CCDC187: variants seen among roughly 807,000 people sequenced by gnomAD.
CCDC187 encodes the protein coiled-coil domain-containing protein 187.
CCDC187 carries 32 observed loss-of-function variants against 38.0 expected under a neutral mutation model. The observed-to-expected ratio is 0.84, with a 90% CI of 0.64 to 1.13. The LOEUF is 1.13. CCDC187 is among the 50% of genes most tolerant of loss of function. CCDC187 has a pLI of 0.00. For missense variants in CCDC187, 707 were observed against 786.8 expected (o/e 0.90, Z 1.21); for synonymous variants, 333 against 347.9 (o/e 0.96, Z 0.48).
At chr9:136,305,058 C>T (rs905893878), upstream of CCDC187, among the ~76,000 whole-genome samples, 80 of 152,322 alleles carry the variant, frequency 5.3e-4, no homozygotes, top group Non-Finnish European at 1.0e-3. Flanking sequence ...CCCTGGCTGC[C>T]GGCAGGCACA....
At position 136,300,245 on chromosome 9, in the gene CCDC187, G is replaced by A. The variant is rs1268715860; in HGVS notation, c.699C>T (p.Ser233=). ...CAGGAACCTGGTGCTGGGAGACCCTGGAGAGCTCGCGCCCCTGGCCGTGGG... is the reference window on the plus strand; with the variant it reads ...CAGGAACCTGGTGCTGGGAGACCCTAGAGAGCTCGCGCCCCTGGCCGTGGG... ...KASHGQGREL[S]RVSQHQVPVL... is the part of the protein sequence containing the mutation. Residue 233 remains serine (S), a synonymous_variant, in exon 3 of 26, where the codon TCC becomes TCT. Coordinates refer to ENST00000638797, the MANE Select transcript of CCDC187 (RefSeq NM_001378188.1). The A allele has an allele frequency of 1.3e-5, 5 of 398,592 alleles. No individual in the cohort carries two copies. Among genetic ancestry groups the A allele is most frequent in the Non-Finnish European group, 2.2e-5 (5 of 226,114 alleles). 24.7% of individuals were successfully genotyped at this position (398,592 alleles called of 1,614,324 possible).
intron 12 of CCDC187, among the ~76,000 whole-genome samples, 182 bp downstream of exon 12, chr9:136,276,012 A>T (rs1259550951): frequency 6.6e-6 from 1 of 152,100 alleles, no homozygotes; most frequent in Non-Finnish European, 1.5e-5. Context: ...ATGTGGCTGA[A>T]ACCTCCTGTT....
chr9:136,290,566 C>T lies in CCDC187; in HGVS notation c.2047G>A (p.Val683Ile), dbSNP rs1006127933. 6.5e-5 allele frequency: 26 copies of T among 398,920 alleles called. No homozygotes were observed. The highest frequency in any genetic ancestry group is 4.4e-5 in the Admixed American group (1 of 22,734). The allele number at this position is 398,920 out of a possible 1,614,324, so 24.7% of individuals were successfully genotyped here. A position where few individuals can be genotyped will look rare whatever the true frequency, so the allele number is the denominator to read the frequency against. The change falls in exon 6 of 26, where the codon GTC becomes ATC. Residue 683 changes from valine (V) to isoleucine (I), a missense_variant. Physicochemically the swap from Val to Ile is conservative, Grantham distance 29 (BLOSUM62 3). Transcript: ENST00000638797. Reference sequence around the variant, plus strand: ...ACCACGGGGACCGCCCTGCCGAGGACGGCCTCCCTCTGCTGCCGGTAGACC... The same window carrying T: ...ACCACGGGGACCGCCCTGCCGAGGATGGCCTCCCTCTGCTGCCGGTAGACC... The part of the protein sequence containing the change: ...QEVYRQQREA[V>I]LGRAVPVVSR...
rs930087312 is a variant in CCDC187 at position 136,280,113 on chromosome 9, C to G, written c.3040+1438G>C. 1.2e-3 allele frequency among the ~76,000 whole-genome samples: 185 copies of G among 152,368 alleles called. 1 individual carries two copies. In the Middle Eastern group the frequency reaches 0.017, roughly 14 times the overall value. ...AACCAAGGCCAGAGGCCCACGGGGG[C>G]CTTCCTGGCTCTGAACTGCCGCCCC... is the stretch of plus-strand genomic sequence containing the variant. On this transcript the variant is annotated intron_variant, in intron 10 of 25. Coordinates refer to ENST00000638797, the MANE Select transcript of CCDC187 (RefSeq NM_001378188.1).
chr9:136,282,774 G>A (rs970364785), intron 9 of CCDC187, among the ~76,000 whole-genome samples: 2 of 152,194 alleles, frequency 1.3e-5, no homozygotes, highest in Admixed American at 6.5e-5. Context: ...ACCCCCGCCC[G>A]CATTCCTGGT....
rs1404558494 is a variant in CCDC187, at chr9:136,292,292, G to C, written c.836C>G (p.Ser279Trp). The C allele has an allele frequency of 5.0e-6, 2 of 398,606 alleles. No homozygotes were observed. Among genetic ancestry groups the C allele is most frequent in the Non-Finnish European group, 8.8e-6 (2 of 226,128 alleles). The allele number at this position is 398,606 out of a possible 1,614,324, so 24.7% of individuals were successfully genotyped here. Reference sequence around the variant, plus strand: ...CCAGGCGTAAACACCAACCAGCTCCGAATCTTAAACAGAGAAAACATACAC... The same window carrying C: ...CCAGGCGTAAACACCAACCAGCTCCCAATCTTAAACAGAGAAAACATACAC... ...AAKDKHKDEDSELVGVYAWRK... is the reference protein window; with the variant it reads ...AAKDKHKDEDWELVGVYAWRK... Residue 279 changes from serine (S) to tryptophan (W), a missense_variant, in exon 5 of 26, where the codon TCG becomes TGG. Coordinates refer to ENST00000638797, the MANE Select transcript of CCDC187 (RefSeq NM_001378188.1).
At chr9:136,277,332 T>G (rs1321147770) in intron 10 of CCDC187, among the ~76,000 whole-genome samples, 23 of 7,356 alleles carry the variant, frequency 3.1e-3, no homozygotes, top group South Asian at 0.023. Context: ...TGGGTGCTGA[T>G]GGGGTGGGTG....
intron 10 of CCDC187, chr9:136,281,331 C>G: frequency 2.5e-6 from 1 of 398,168 alleles, no homozygotes. Context: ...TCTCATCCAC[C>G]GAGGGCCCAT....
chr9:136,268,164 T>C, intron 14 of CCDC187, 39 bp from the exon 15 acceptor site: 1 of 982,286 alleles, frequency 1.0e-6, no homozygotes. Flanking sequence ...ATGTAGGGGG[T>C]CTGAGTGCCC....
rs1366572857 is a variant in CCDC187 at position 136,250,790 on chromosome 9, T to C, written c.*2804A>G. ...TGGGGACCCTGACACAGGCCGGCCA[T>C]TGTTAACGGCACCTGGGGCTAAGCA... On this transcript the variant is annotated 3_prime_UTR_variant, in exon 26 of 26. Transcript: ENST00000638797. The C allele has an allele frequency of 1.3e-5, 6 of 456,122 alleles. No individual in the cohort carries two copies. Among genetic ancestry groups the C allele is most frequent in the African/African-American group, 1.2e-4 (6 of 50,072 alleles). 28.3% of individuals were successfully genotyped at this position (456,122 alleles called of 1,614,324 possible). A position where few individuals can be genotyped will look rare whatever the true frequency, so the allele number is the denominator to read the frequency against.
intron 18 of CCDC187, among the ~76,000 whole-genome samples, chr9:136,262,849 G>A (rs982598773): frequency 6.6e-6 from 1 of 152,132 alleles, no homozygotes. Context: ...TTACAGAGGA[G>A]ACGCGCAGGT....
intron 2 of CCDC187, among the ~76,000 whole-genome samples, chr9:136,302,418 C>T (rs1033677979): frequency 2.2e-4 from 33 of 150,316 alleles, no homozygotes; most frequent in African/African-American, 6.9e-4. Context: ...AGGGAAGCTG[C>T]CAGACTTTCC....
rs1554759948 is a variant in CCDC187 at position 136,254,068 on chromosome 9, C to T, written c.5760G>A (p.Pro1920=). ...GYQEGTRDAD[P]SPSTKSKLPY... ...GGAGTTTGCTCTTGGTGGATGGGCTCGGGTCAGCATCCCGGGTTCCCTCCT... is the reference window on the plus strand; with the variant it reads ...GGAGTTTGCTCTTGGTGGATGGGCTTGGGTCAGCATCCCGGGTTCCCTCCT... The change falls in exon 26 of 26, where the codon CCG becomes CCA. Residue 1920 remains proline, a synonymous_variant. Coordinates refer to ENST00000638797, the MANE Select transcript of CCDC187 (RefSeq NM_001378188.1). The T allele has an allele frequency of 4.1e-6, 4 of 984,776 alleles. No individual in the cohort carries two copies. The highest frequency in any genetic ancestry group is 5.2e-4 in the Middle Eastern group (1 of 1,938). 61.0% of individuals were successfully genotyped at this position (984,776 alleles called of 1,614,324 possible).
In CCDC187 at chr9:136,291,052, G is replaced by T; in HGVS notation, c.1561C>A (p.Pro521Thr). The T allele has an allele frequency of 2.5e-6, 1 of 398,784 alleles. No individual in the cohort carries two copies. The highest frequency in any genetic ancestry group is 4.4e-6 in the Non-Finnish European group (1 of 226,218). 24.7% of individuals were successfully genotyped at this position (398,784 alleles called of 1,614,324 possible). The change falls in exon 6 of 26, where the codon CCT becomes ACT. Residue 521 changes from proline to threonine, a missense_variant. Physicochemically the swap from Pro to Thr is conservative, Grantham distance 38. Coordinates refer to ENST00000638797, the MANE Select transcript of CCDC187 (RefSeq NM_001378188.1). ...GPSSQRPGSP[P>T]EKRSPFPQQP... Reference sequence around the variant, plus strand: ...TGGGGGAAGGGGCTCCGCTTTTCAGGGGGGCTCCCAGGCCTCTGGGAGGAG... The same window carrying T: ...TGGGGGAAGGGGCTCCGCTTTTCAGTGGGGCTCCCAGGCCTCTGGGAGGAG...
chr9:136,287,588 C>G (rs1336246396), intron 7 of CCDC187, among the ~76,000 whole-genome samples: 1 of 152,206 alleles, frequency 6.6e-6, no homozygotes, highest in East Asian at 1.9e-4. Flanking sequence ...ACTGAGCCCC[C>G]ACCTCCTCGG....
rs936267759 is a variant in CCDC187 at position 136,290,480 on chromosome 9, A to G, written c.2127+6T>C. On this transcript the variant is annotated splice_donor_region_variant and intron_variant, in intron 6 of 25. Transcript: ENST00000638797. Reference sequence around the variant, plus strand: ...CGAGTCCCCCCAACCCAACCCCAGCATGTACCCCGGACTGTGCAGAACTGG... The same window carrying G: ...CGAGTCCCCCCAACCCAACCCCAGCGTGTACCCCGGACTGTGCAGAACTGG... 5.8e-5 allele frequency: 23 copies of G among 397,770 alleles called. No homozygotes were observed. The highest frequency in any genetic ancestry group is 4.4e-4 in the Admixed American group (10 of 22,706). 24.6% of individuals were successfully genotyped at this position (397,770 alleles called of 1,614,324 possible).
At position 136,286,703 on chromosome 9, in the gene CCDC187, AAG is replaced by A. The variant is rs1488044524; in HGVS notation, c.2223-10_2223-9del. ...TTCAAACACAGGCAGAAGCTGCAGG[AAG>A]AGAGACGTGGACAGATCAGCTCAGG... On this transcript the variant is annotated splice_polypyrimidine_tract_variant and intron_variant, in intron 7 of 25. Transcript: ENST00000638797. The A allele has an allele frequency of 6.6e-3, 2,626 of 398,762 alleles. 14 individuals are homozygous for A. Among genetic ancestry groups the A allele is most frequent in the Non-Finnish European group, 9.9e-3 (2,248 of 226,168 alleles). 24.7% of individuals were successfully genotyped at this position (398,762 alleles called of 1,614,324 possible).
At chr9:136,289,538 AAAAAG>A (rs1831261686) in intron 7 of CCDC187, among the ~76,000 whole-genome samples, 1 of 151,302 alleles carries the variant, frequency 6.6e-6, no homozygotes, top group Admixed American at 6.6e-5. Context: ...AAAAAAAAAA[AAAAAG>A]AATAGGCAAA....
chr9:136,274,278 C>T (rs935728161), intron 14 of CCDC187, among the ~76,000 whole-genome samples: 5 of 152,234 alleles, frequency 3.3e-5, no homozygotes, highest in Non-Finnish European at 5.9e-5. Context: ...GCCGAGCTGC[C>T]GCATTCACCC....
Sources: allele counts gnomAD v4.1 joint callset (sites outside exome capture counted in the v4.1 genomes callset), GRCh38; gene constraint gnomAD v4.1.1; transcripts MANE v1.5; gene names NCBI Gene and HGNC (gene_info 2026-07-23, HGNC 2026-07-21).